The following SEPTIN14 variants were observed in gnomAD, a reference collection of about 807,000 sequenced individuals.
SEPTIN14 encodes septin 14, also known as septin-14.
Under a neutral mutation model 53.6 loss-of-function variants are expected in SEPTIN14, and 40 were observed. That is an observed-to-expected ratio of 0.75 (90% CI 0.58 to 0.97). The LOEUF (loss-of-function observed/expected upper bound fraction) is 0.97, where lower values mean the gene tolerates loss of function less well. SEPTIN14 is among the 50% of genes least tolerant of loss of function. The pLI, the probability that SEPTIN14 is intolerant of heterozygous loss-of-function variation, is 0.00. For missense variants in SEPTIN14, 471 were observed against 508.2 expected, an observed-to-expected ratio of 0.93 and a Z score of 0.70; for synonymous variants, 138 against 166.8, an observed-to-expected ratio of 0.83 and a Z score of 1.33.
intron 5 of SEPTIN14, among the ~76,000 whole-genome samples, chr7:55,842,070 C>T (rs909329479): frequency 6.6e-6 from 1 of 151,950 alleles, no homozygotes; most frequent in Non-Finnish European, 1.5e-5. Flanking sequence ...CAGATACTTA[C>T]CATTGTGTTA....
intron 6 of SEPTIN14, among the ~76,000 whole-genome samples, chr7:55,829,994 C>T (rs1284588974): frequency 2.0e-5 from 3 of 151,476 alleles, no homozygotes; most frequent in East Asian, 3.9e-4. Flanking sequence ...CTGGCTAACA[C>T]GGTGAAACCC....
chr7:55,809,220 T>G lies in SEPTIN14; in HGVS notation c.818-1962A>C, dbSNP rs189238610. ...GTAGGAGATAAATATTGAGAACACA[T>G]AGACACAAAGGGGAGAACAACAGAC... On this transcript the variant is annotated intron_variant, in intron 7 of 9. Transcript: ENST00000388975. Among the ~76,000 whole-genome samples, 59 of 150,176 alleles carry G rather than the reference T, an allele frequency of 3.9e-4. 1 individual carries two copies. The highest frequency in any genetic ancestry group is 2.5e-3 in the Admixed American group (38 of 15,036).
At chr7:55,815,238 C>T (rs1160391023) in intron 7 of SEPTIN14, among the ~76,000 whole-genome samples, 4 of 151,848 alleles carry the variant, frequency 2.6e-5, no homozygotes, top group Non-Finnish European at 5.9e-5. Context: ...TGAGTAATAC[C>T]CCACAAGCAC....
intron 9 of SEPTIN14, among the ~76,000 whole-genome samples, chr7:55,800,214 C>T (rs1454048268): frequency 6.6e-6 from 1 of 152,134 alleles, no homozygotes; most frequent in African/African-American, 2.4e-5. Context: ...GAATGAGATC[C>T]TGTCACTTGC....
chr7:55,827,574 C>T (rs148131179), intron 6 of SEPTIN14, among the ~76,000 whole-genome samples: 2,795 of 152,322 alleles, frequency 0.018, 30 homozygotes, highest in Middle Eastern at 0.037. Context: ...GCTGCACCAG[C>T]CACCCTCTAA....
chr7:55,820,738 G>C (rs1188235200), intron 6 of SEPTIN14, among the ~76,000 whole-genome samples: 1 of 152,058 alleles, frequency 6.6e-6, no homozygotes, highest in East Asian at 1.9e-4. Context: ...TCAGGAGTTC[G>C]AGACCAGCCT....
intron 1 of SEPTIN14, among the ~76,000 whole-genome samples, chr7:55,862,345 A>G (rs757094884): frequency 1.3e-5 from 2 of 152,128 alleles, no homozygotes; most frequent in Non-Finnish European, 2.9e-5. Flanking sequence ...GAAAGTAGAA[A>G]ATTTTGCTTT....
At chr7:55,826,870 T>C (rs544399476) in intron 6 of SEPTIN14, among the ~76,000 whole-genome samples, 1 of 151,970 alleles carries the variant, frequency 6.6e-6, no homozygotes, top group African/African-American at 2.4e-5. Flanking sequence ...GGCACCCTTC[T>C]GAGAGCCCGG....
At chr7:55,846,469 C>T in intron 3 of SEPTIN14, 48 bp downstream of exon 3, 1 of 1,428,474 alleles carries the variant, frequency 7.0e-7, no homozygotes, top group Non-Finnish European at 9.5e-7. Flanking sequence ...TTGAAATGAA[C>T]ATTGGGAAAA....
rs1216458496 is a variant in SEPTIN14 at position 55,830,349 on chromosome 7, A to ATTTTTT, written c.720+4070_720+4075dup. On this transcript the variant is annotated intron_variant, in intron 6 of 9. Coordinates refer to ENST00000388975, the MANE Select transcript of SEPTIN14 (RefSeq NM_207366.3). ...TATATATATATATATATATATATAT[A>ATTTTTT]TTTTTTTTTTTTTTTGAGACGGAGT... 1.7e-3 allele frequency among the ~76,000 whole-genome samples: 97 copies of ATTTTTT among 56,824 alleles called. 3 individuals carry two copies. The highest frequency in any genetic ancestry group is 6.1e-3 in the East Asian group (10 of 1,644). The allele number at this position is 56,824 out of a possible 152,430, so 37.3% of individuals were successfully genotyped here. A position where few individuals can be genotyped will look rare whatever the true frequency, so the allele number is the denominator to read the frequency against.
intron 6 of SEPTIN14, among the ~76,000 whole-genome samples, chr7:55,823,677 A>G (rs1166466132): frequency 2.0e-5 from 3 of 152,152 alleles, no homozygotes; most frequent in Non-Finnish European, 4.4e-5. Flanking sequence ...AAAATGATTG[A>G]GAGGAATCCT....
rs186795255 is a variant in SEPTIN14 at position 55,807,069 on chromosome 7, G to A, written c.986+21C>T. 2.0e-5 allele frequency: 31 copies of A among 1,546,924 alleles called. No individual in the cohort carries two copies. The African/African-American group carries it at 3.5e-4, about 17-fold the overall frequency. ...ACTCCTAAATTATCCATTTGGTTGT[G>A]CTAGCAATATTTTTACTCACCTAAC... On this transcript the variant is annotated intron_variant, in intron 8 of 9. Transcript: ENST00000388975.
intron 6 of SEPTIN14, among the ~76,000 whole-genome samples, chr7:55,831,292 A>G (rs1789105789): frequency 6.6e-6 from 1 of 152,212 alleles, no homozygotes; most frequent in African/African-American, 2.4e-5. Context: ...TGTGAAAGAA[A>G]AGAGAATAAA....
Position 55,806,755 on chromosome 7 carries a change from G to A in SEPTIN14, c.986+335C>T, listed in dbSNP as rs113260865. Among the ~76,000 whole-genome samples, 168 of 152,170 alleles carry A rather than the reference G, an allele frequency of 1.1e-3. 2 individuals are homozygous for A. The highest frequency in any genetic ancestry group is 3.9e-3 in the African/African-American group (161 of 41,530). Reference sequence around the variant, plus strand: ...TGGGATTACAGGCATGAGCCACAGCGCCCGGCCTATCCTTTCTTTCACATA... The same window carrying A: ...TGGGATTACAGGCATGAGCCACAGCACCCGGCCTATCCTTTCTTTCACATA... On this transcript the variant is annotated intron_variant, in intron 8 of 9. Coordinates refer to ENST00000388975, the MANE Select transcript of SEPTIN14 (RefSeq NM_207366.3).
chr7:55,839,391 GAA>G (rs749527309), intron 5 of SEPTIN14, among the ~76,000 whole-genome samples: 19 of 82,560 alleles, frequency 2.3e-4, no homozygotes, highest in Admixed American at 4.0e-4. Context: ...CTCCGTCTCA[GAA>G]AAAAAAAAAA....
chr7:55,862,142 A>G, intron 1 of SEPTIN14, 131 bp from the exon 2 acceptor site: 1 of 612,712 alleles, frequency 1.6e-6, no homozygotes, highest in Non-Finnish European at 2.8e-6. Context: ...CACACTATTC[A>G]TCTGTTTTAA....
intron 2 of SEPTIN14, among the ~76,000 whole-genome samples, chr7:55,848,717 C>G (rs1333243757): frequency 1.3e-5 from 2 of 151,280 alleles, no homozygotes; most frequent in African/African-American, 2.4e-5. Context: ...ACGCCATTCT[C>G]CTGCCTCAGC....
At chr7:55,841,636 AC>A (rs1416683789) in intron 5 of SEPTIN14, among the ~76,000 whole-genome samples, 1 of 152,040 alleles carries the variant, frequency 6.6e-6, no homozygotes, top group African/African-American at 2.4e-5. Flanking sequence ...TGGGTGGATC[AC>A]CCGAGGTCGG....
chr7:55,835,662 C>T (rs1789192555), intron 5 of SEPTIN14, among the ~76,000 whole-genome samples: 1 of 152,096 alleles, frequency 6.6e-6, no homozygotes, highest in Admixed American at 6.6e-5. Flanking sequence ...CACTCTCTTG[C>T]CCCGCCTAGA....
Sources: allele counts gnomAD v4.1 joint callset (sites outside exome capture counted in the v4.1 genomes callset), GRCh38; gene constraint gnomAD v4.1.1; transcripts MANE v1.5; gene names NCBI Gene and HGNC (gene_info 2026-07-23, HGNC 2026-07-21).